The following UBE3A variants were observed in gnomAD, a reference collection of about 807,000 sequenced individuals.
The protein encoded by UBE3A is ubiquitin protein ligase E3A, also known as ubiquitin-protein ligase E3A.
A neutral mutation model predicts 83.4 loss-of-function variants in UBE3A; 6 were observed. The observed-to-expected ratio is 0.07, with a 90% CI of 0.04 to 0.14. The LOEUF (loss-of-function observed/expected upper bound fraction) is 0.14. Among genes scored for constraint, UBE3A ranks in the 10% least tolerant of loss-of-function variants. The probability of loss-of-function intolerance (pLI) is 1.00; values close to 1 mark genes in which losing one functional copy is unlikely to be tolerated. For missense variants in UBE3A, 456 were observed against 1,036.1 expected, an observed-to-expected ratio of 0.44 and a Z score of 7.69; for synonymous variants, 337 against 355.4, an observed-to-expected ratio of 0.95 and a Z score of 0.58.
intron 1 of UBE3A, among the ~76,000 whole-genome samples, chr15:25,433,112 C>T (rs1893938448): frequency 6.6e-6 from 1 of 152,094 alleles, no homozygotes; most frequent in African/African-American, 2.4e-5. Context: ...CTATTAAGAT[C>T]CATTGTCCAT....
chr15:25,393,272 G>C (rs1038930925), intron 4 of UBE3A, among the ~76,000 whole-genome samples: 3 of 152,094 alleles, frequency 2.0e-5, no homozygotes, highest in African/African-American at 7.2e-5. Flanking sequence ...AGAGGTAATG[G>C]GTAGGGTTTC....
chr15:25,393,430 TG>T (rs1408938293), intron 4 of UBE3A, among the ~76,000 whole-genome samples: 1 of 152,170 alleles, frequency 6.6e-6, no homozygotes, highest in Admixed American at 6.5e-5. Context: ...AAGAACTCGG[TG>T]AATCAAAAAG....
intron 1 of UBE3A, among the ~76,000 whole-genome samples, chr15:25,427,658 G>A (rs971988431): frequency 6.8e-6 from 1 of 146,074 alleles, no homozygotes; most frequent in South Asian, 2.2e-4. Context: ...GGGCCTGGAG[G>A]TGCCTGCCTG....
At chr15:25,423,253 G>C (rs898523516) in intron 1 of UBE3A, among the ~76,000 whole-genome samples, 20 of 151,934 alleles carry the variant, frequency 1.3e-4, no homozygotes, top group African/African-American at 4.8e-4. Flanking sequence ...AATTTCCCAG[G>C]TTATTTATAA....
intron 5 of UBE3A, among the ~76,000 whole-genome samples, chr15:25,372,077 G>A (rs2080387477): frequency 6.6e-6 from 1 of 151,926 alleles, no homozygotes; most frequent in Non-Finnish European, 1.5e-5. Flanking sequence ...ATAAGATCAT[G>A]AGTTTAAACT....
intron 2 of UBE3A, among the ~76,000 whole-genome samples, chr15:25,410,672 A>G (rs566326704): frequency 1.5e-4 from 23 of 152,358 alleles, no homozygotes; most frequent in African/African-American, 5.5e-4. Context: ...CTATGAACGC[A>G]GGGCTTCAAA....
intron 1 of UBE3A, among the ~76,000 whole-genome samples, chr15:25,434,121 CAGAT>C (rs1169817582): frequency 2.0e-5 from 3 of 152,070 alleles, no homozygotes; most frequent in South Asian, 2.1e-4. Flanking sequence ...ACTTCACTCT[CAGAT>C]AGGCCTAATA....
Position 25,366,938 on chromosome 15 carries a change from A to AT in UBE3A, c.1608+3627dup, listed in dbSNP as rs895415703. ...AAACCTCTAGAGGTTAGGGCCCTGG[A>AT]TTTTATTTATTTATTTATTTATTTT... On this transcript the variant is annotated intron_variant, in intron 6 of 12. Transcript: ENST00000648336. Among the ~76,000 whole-genome samples the AT allele has an allele frequency of 1.1e-4, 16 of 151,868 alleles. 1 individual carries two copies. The highest frequency in any genetic ancestry group is 3.9e-4 in the African/African-American group (16 of 41,470).
At chr15:25,348,346 A>G (rs148971151) in intron 11 of UBE3A, among the ~76,000 whole-genome samples, 2 of 152,156 alleles carry the variant, frequency 1.3e-5, no homozygotes, top group East Asian at 1.9e-4. Flanking sequence ...AAAAAACCAA[A>G]TGGACTCTTG....
chr15:25,429,747 G>A (rs957156973), intron 1 of UBE3A, among the ~76,000 whole-genome samples: 6 of 151,874 alleles, frequency 4.0e-5, no homozygotes, highest in African/African-American at 1.5e-4. Context: ...GCTCATGCCT[G>A]TAATCCCAGT....
intron 3 of UBE3A, 59 bp downstream of exon 3, chr15:25,409,029 G>T: frequency 1.3e-6 from 2 of 1,511,766 alleles, no homozygotes; most frequent in Non-Finnish European, 1.8e-6. Flanking sequence ...CATTTTTACA[G>T]TATGTATTTC....
chr15:25,340,328 C>T lies in UBE3A; in HGVS notation c.2355-100G>A, dbSNP rs2074533812. 2.9e-6 allele frequency: 4 copies of T among 1,391,280 alleles called. No homozygotes were observed. In the East Asian group the frequency reaches 9.2e-5, roughly 32 times the overall value. The allele number at this position is 1,391,280 out of a possible 1,614,324, so 86.2% of individuals were successfully genotyped here. On this transcript the variant is annotated intron_variant, in intron 11 of 12. Coordinates refer to ENST00000648336, the MANE Select transcript of UBE3A (RefSeq NM_130839.5). The stretch of plus-strand genomic sequence containing the variant: ...GCATTAAAACTATATTAAGAGACAA[C>T]TTGGAAGTTAATTATCAGGATAGTA...
At position 25,422,812 on chromosome 15, in the gene UBE3A, CA is replaced by C. The variant is rs71418043; in HGVS notation, c.-164-10842del. On this transcript the variant is annotated intron_variant, in intron 1 of 12. Coordinates refer to ENST00000648336, the MANE Select transcript of UBE3A (RefSeq NM_130839.5). ...CAACACACTGAGATACGTTCTCTAC[CA>C]AAAAAAAAAAAAAAAACCAACCAAC... is the stretch of plus-strand genomic sequence containing the variant. Among the ~76,000 whole-genome samples, 88,595 of 114,476 alleles carry C rather than the reference CA, an allele frequency of 0.77. 33,501 individuals carry two copies. The highest frequency in any genetic ancestry group is 0.83 in the Non-Finnish European group (44,936 of 53,936). 75.1% of individuals were successfully genotyped at this position (114,476 alleles called of 152,430 possible).
chr15:25,425,628 C>G (rs372002124), intron 1 of UBE3A, among the ~76,000 whole-genome samples: 12 of 152,084 alleles, frequency 7.9e-5, no homozygotes, highest in African/African-American at 2.9e-4. Flanking sequence ...CAGTTAAACA[C>G]ACTTAACAAC....
In UBE3A at chr15:25,338,170, G is replaced by GA. The variant is rs1238403388; in HGVS notation, c.*966_*967insT. The GA allele has an allele frequency of 4.0e-5, 6 of 151,756 alleles. No individual in the cohort carries two copies. The East Asian group carries it at 1.2e-3, about 29-fold the overall frequency. The allele number at this position is 151,756 out of a possible 1,614,324, so 9.4% of individuals were successfully genotyped here. ...TGTCTATTTAAAATCTAGGTAATAA[G>GA]TAAGTAATTAATAAAAACTCTATCT... On this transcript the variant is annotated 3_prime_UTR_variant, in exon 13 of 13. Coordinates refer to ENST00000648336, the MANE Select transcript of UBE3A (RefSeq NM_130839.5).
At position 25,397,096 on chromosome 15, in the gene UBE3A, A is replaced by G. The variant is rs541387733; in HGVS notation, c.62+8365T>C. On this transcript the variant is annotated intron_variant, in intron 4 of 12. Coordinates refer to ENST00000648336, the MANE Select transcript of UBE3A (RefSeq NM_130839.5). ...AAAGTAATTGAACAAACCTGGACCC[A>G]CTCACCTCACTGAAAGTGCTGCCTG... is the stretch of plus-strand genomic sequence containing the variant. Among the ~76,000 whole-genome samples the G allele has an allele frequency of 4.3e-4, 65 of 152,284 alleles. 1 individual carries two copies. Among genetic ancestry groups the G allele is most frequent in the African/African-American group, 1.5e-3 (63 of 41,558 alleles).
Position 25,339,075 on chromosome 15 carries a change from T to A in UBE3A, c.*62A>T, listed in dbSNP as rs898467045. 3.5e-5 allele frequency: 52 copies of A among 1,466,488 alleles called. No individual in the cohort carries two copies. The African/African-American group carries it at 7.0e-4, about 20-fold the overall frequency. 90.8% of individuals were successfully genotyped at this position (1,466,488 alleles called of 1,614,324 possible). A position where few individuals can be genotyped will look rare whatever the true frequency, so the allele number is the denominator to read the frequency against. ...TTTATCCCTCGTTATATTTTTAAAA[T>A]TTTTTAAATTTTTTCTTTTTTTTTC... On this transcript the variant is annotated 3_prime_UTR_variant, in exon 13 of 13. Transcript: ENST00000648336.
chr15:25,406,729 C>A (rs2088660780), intron 3 of UBE3A, among the ~76,000 whole-genome samples: 1 of 151,108 alleles, frequency 6.6e-6, no homozygotes, highest in South Asian at 2.1e-4. Context: ...CACACACAAA[C>A]CTGTTTTCTA....
intron 1 of UBE3A, chr15:25,419,597 A>T (rs1888716603): frequency 6.6e-6 from 1 of 152,136 alleles, no homozygotes. Context: ...AAAAATAAAT[A>T]AAAATGGTAA....
Sources: gnomAD v4.1 joint callset for allele counts (sites outside exome capture counted in the v4.1 genomes callset) on GRCh38, gnomAD v4.1.1 for gene constraint, MANE v1.5 for transcripts, NCBI Gene and HGNC (gene_info 2026-07-23, HGNC 2026-07-21) for gene names.